The following ANKRD44 variants were observed in gnomAD, a reference collection of about 807,000 sequenced individuals.
The protein encoded by ANKRD44 is ankyrin repeat domain 44.
In ANKRD44, 35 loss-of-function variants were observed where a neutral mutation model predicts 116.0. That is an observed-to-expected ratio of 0.30 (90% CI 0.23 to 0.40). The LOEUF (loss-of-function observed/expected upper bound fraction) is 0.40. Among genes scored for constraint, ANKRD44 ranks in the 10% least tolerant of loss-of-function variants. The pLI is 1.00. For missense variants in ANKRD44, 1,014 were observed against 1,242.6 expected (o/e 0.82, Z 2.77); for synonymous variants, 435 against 461.8 (o/e 0.94, Z 0.74).
At chr2:197,112,295 G>A (rs2125282437) in intron 8 of ANKRD44, among the ~76,000 whole-genome samples, 1 of 152,314 alleles carries the variant, frequency 6.6e-6, no homozygotes, top group Admixed American at 6.5e-5. Flanking sequence ...CCAAATGCCT[G>A]TATTTTAAAA....
Position 196,988,545 on chromosome 2 carries a change from A to C in ANKRD44, c.*1046T>G, listed in dbSNP as rs2075865030. 1 of 984,968 alleles carries C rather than the reference A, an allele frequency of 1.0e-6. No homozygotes were observed. Among genetic ancestry groups the C allele is most frequent in the African/African-American group, 1.7e-5 (1 of 57,236 alleles). The allele number at this position is 984,968 out of a possible 1,614,324, so 61.0% of individuals were successfully genotyped here. ...CCCAACAGGAGTTTTAATTAAATCC[A>C]GGATATTAAGAGTAAGATTAAAGTT... On this transcript the variant is annotated 3_prime_UTR_variant, in exon 28 of 28. Coordinates refer to ENST00000282272, the MANE Select transcript of ANKRD44 (RefSeq NM_001195144.2).
intron 10 of ANKRD44, among the ~76,000 whole-genome samples, chr2:197,099,291 C>T (rs76317859): frequency 0.04 from 6,132 of 152,178 alleles, 159 homozygotes; most frequent in Middle Eastern, 0.082. Context: ...AAATTATGAG[C>T]GCCTTGAAAC....
rs149855568 is a variant in ANKRD44 at position 196,988,391 on chromosome 2, C to T, written c.*1200G>A. 4.0e-4 allele frequency: 395 copies of T among 985,206 alleles called. 3 individuals are homozygous for T. In the African/African-American group the frequency reaches 6.3e-3, roughly 16 times the overall value. The allele number at this position is 985,206 out of a possible 1,614,324, so 61.0% of individuals were successfully genotyped here. A position where few individuals can be genotyped will look rare whatever the true frequency, so the allele number is the denominator to read the frequency against. ...TAAAAATTCATCTTCTCTAAACAAACGAAAAGGACAGAAGGTGGGAAGCAC... is the reference window on the plus strand; with the variant it reads ...TAAAAATTCATCTTCTCTAAACAAATGAAAAGGACAGAAGGTGGGAAGCAC... On this transcript the variant is annotated 3_prime_UTR_variant, in exon 28 of 28. Transcript: ENST00000282272.
chr2:197,206,302 G>T (rs1222289564), intron 1 of ANKRD44, among the ~76,000 whole-genome samples: 1 of 152,180 alleles, frequency 6.6e-6, no homozygotes, highest in East Asian at 1.9e-4. Context: ...TACAAGCATG[G>T]GTGAAAACAA....
At chr2:197,126,567 C>T (rs531113868) in intron 4 of ANKRD44, among the ~76,000 whole-genome samples, 1 of 152,208 alleles carries the variant, frequency 6.6e-6, no homozygotes, top group African/African-American at 2.4e-5. Flanking sequence ...ACTTCTTTTG[C>T]CATTGTTGAG....
chr2:196,986,406 A>AAAAACAAAACAAAAC (rs57186025), downstream of ANKRD44, among the ~76,000 whole-genome samples: 17 of 152,050 alleles, frequency 1.1e-4, no homozygotes, highest in African/African-American at 4.1e-4. Flanking sequence ...CAGAGCAGAA[A>AAAAACAAAACAAAAC]AAAACAAAAC....
At chr2:197,032,384 G>A (rs1389017428) in intron 16 of ANKRD44, among the ~76,000 whole-genome samples, 1 of 131,650 alleles carries the variant, frequency 7.6e-6, no homozygotes, top group Non-Finnish European at 1.6e-5. Context: ...AGAAATGGAA[G>A]TGTCACTTTT....
intron 1 of ANKRD44, among the ~76,000 whole-genome samples, chr2:197,277,732 A>G (rs1006835670): frequency 6.6e-6 from 1 of 152,162 alleles, no homozygotes; most frequent in Non-Finnish European, 1.5e-5. Context: ...GGTCCCAAGG[A>G]GTTTCAAGAC....
chr2:196,976,561 C>T (rs979784674), intron 21 of ANKRD44, among the ~76,000 whole-genome samples: 7 of 152,012 alleles, frequency 4.6e-5, no homozygotes, highest in Admixed American at 2.0e-4. Context: ...ATTTTTCTTA[C>T]ATGTAGAAAA....
In ANKRD44 at chr2:197,203,929, G is replaced by C. The variant is rs1288697602; in HGVS notation, c.28-16823C>G. On this transcript the variant is annotated intron_variant, in intron 1 of 27. Coordinates refer to ENST00000282272, the MANE Select transcript of ANKRD44 (RefSeq NM_001195144.2). This position sits in a 1 kb window ranked among gnomAD's most constrained non-coding sequence, Gnocchi z 4.1. ...TAGCCACACATAGAAACAGAAAGCT[G>C]ATTAGCAGTTACCAGGGATCGGGAG... Among the ~76,000 whole-genome samples the C allele has an allele frequency of 1.3e-5, 2 of 152,212 alleles. No individual in the cohort carries two copies. Among genetic ancestry groups the C allele is most frequent in the Non-Finnish European group, 2.9e-5 (2 of 68,042 alleles).
At chr2:197,257,740 T>A (rs1350129795) in intron 1 of ANKRD44, among the ~76,000 whole-genome samples, 1 of 152,144 alleles carries the variant, frequency 6.6e-6, no homozygotes, top group African/African-American at 2.4e-5. Flanking sequence ...AAGTAAAAAT[T>A]TTTTAATTTA....
chr2:196,975,982 C>A (rs2075757800), intron 21 of ANKRD44, among the ~76,000 whole-genome samples: 1 of 151,724 alleles, frequency 6.6e-6, no homozygotes, highest in South Asian at 2.1e-4. Context: ...TATTATACAC[C>A]ATGATCAAGT....
In ANKRD44 at chr2:196,989,021, G is replaced by C; in HGVS notation, c.*570C>G. On this transcript the variant is annotated 3_prime_UTR_variant, in exon 28 of 28. Transcript: ENST00000282272. ...GTGGCTGAGCAGTAGAAGATGCGTA[G>C]CCCTCTCTAACCAACGCGGAAGAAC... 1.0e-6 allele frequency: 1 copy of C among 985,444 alleles called. No individual in the cohort carries two copies. The highest frequency in any genetic ancestry group is 1.7e-5 in the African/African-American group (1 of 57,364). The allele number at this position is 985,444 out of a possible 1,614,324, so 61.0% of individuals were successfully genotyped here.
At chr2:197,244,585 T>C (rs920400899) in intron 1 of ANKRD44, among the ~76,000 whole-genome samples, 3 of 152,204 alleles carry the variant, frequency 2.0e-5, no homozygotes, top group Non-Finnish European at 4.4e-5. Context: ...TCAGAACTCA[T>C]CTACCAGTTG....
intron 1 of ANKRD44, among the ~76,000 whole-genome samples, chr2:197,301,795 T>C (rs2083915175): frequency 1.3e-5 from 2 of 152,226 alleles, no homozygotes; most frequent in Admixed American, 6.5e-5. Flanking sequence ...CAGCAGTGAA[T>C]GAACCAAACT....
At chr2:197,109,182 T>C (rs925948214) in intron 9 of ANKRD44, among the ~76,000 whole-genome samples, 3 of 152,184 alleles carry the variant, frequency 2.0e-5, no homozygotes, top group Non-Finnish European at 4.4e-5. Context: ...TCTAAAAGTT[T>C]TGTTTGTTTT....
chr2:197,304,189 C>G (rs1191232418), intron 1 of ANKRD44, among the ~76,000 whole-genome samples: 2 of 152,062 alleles, frequency 1.3e-5, no homozygotes, highest in East Asian at 3.9e-4. Context: ...GCCTGTAATC[C>G]CAGCTACCCG....
At position 197,159,471 on chromosome 2, in the gene ANKRD44, A is replaced by G. The variant is rs139504306; in HGVS notation, c.112-12366T>C. Reference sequence around the variant, plus strand: ...CAAGAAAATAAAATTCCTCTTGTAAATAATAAAAGACTTTCCTATTAAAAA... The same window carrying G: ...CAAGAAAATAAAATTCCTCTTGTAAGTAATAAAAGACTTTCCTATTAAAAA... On this transcript the variant is annotated intron_variant, in intron 2 of 27. Coordinates refer to ENST00000282272, the MANE Select transcript of ANKRD44 (RefSeq NM_001195144.2). Among the ~76,000 whole-genome samples the G allele has an allele frequency of 4.3e-3, 654 of 152,272 alleles. 3 individuals are homozygous for G. The highest frequency in any genetic ancestry group is 0.014 in the African/African-American group (599 of 41,502).
At chr2:197,268,816 T>G (rs2082809413) in intron 1 of ANKRD44, among the ~76,000 whole-genome samples, 1 of 152,242 alleles carries the variant, frequency 6.6e-6, no homozygotes, top group East Asian at 1.9e-4. Context: ...TCCATCAGAC[T>G]GGAGGCTTTC....
Sources: gnomAD v4.1 joint callset for allele counts (sites outside exome capture counted in the v4.1 genomes callset) on GRCh38, gnomAD v4.1.1 for gene constraint, Gnocchi (gnomAD v3.1) non-coding constraint, MANE v1.5 for transcripts, NCBI Gene and HGNC (gene_info 2026-07-23, HGNC 2026-07-21) for gene names.